ZDHHC14: variants seen among roughly 807,000 people sequenced by gnomAD.
The protein encoded by ZDHHC14 is palmitoyltransferase ZDHHC14.
A neutral mutation model predicts 47.7 loss-of-function variants in ZDHHC14; 16 were observed. The observed-to-expected ratio is 0.34, with a 90% confidence interval of 0.23 to 0.51. ZDHHC14 has a LOEUF of 0.51. Among genes scored for constraint, ZDHHC14 ranks in the 20% least tolerant of loss-of-function variants. The pLI is 0.97. For missense variants in ZDHHC14, 515 were observed against 662.5 expected (o/e 0.78, Z 2.44); for synonymous variants, 293 against 278.9 (o/e 1.05, Z -0.50).
intron 1 of ZDHHC14, among the ~76,000 whole-genome samples, chr6:157,465,853 C>G (rs1016868885): frequency 1.3e-5 from 2 of 152,020 alleles, no homozygotes; most frequent in African/African-American, 4.8e-5. Flanking sequence ...ATCAGCCTGG[C>G]CCACACGGCG....
chr6:157,671,848 T>C (rs1778812248), intron 8 of ZDHHC14, among the ~76,000 whole-genome samples: 1 of 152,198 alleles, frequency 6.6e-6, no homozygotes, highest in Non-Finnish European at 1.5e-5. Context: ...GGTGGTAAAA[T>C]AGACATGGCA....
At chr6:157,409,237 A>G (rs563977599) in intron 1 of ZDHHC14, among the ~76,000 whole-genome samples, 58 of 152,294 alleles carry the variant, frequency 3.8e-4, no homozygotes, top group Non-Finnish European at 7.1e-4. Context: ...TCCGCGTCCC[A>G]GGGGGATGTG....
At chr6:157,396,115 C>G (rs1329019160) in intron 1 of ZDHHC14, among the ~76,000 whole-genome samples, 2 of 151,994 alleles carry the variant, frequency 1.3e-5, no homozygotes, top group Non-Finnish European at 2.9e-5. Flanking sequence ...ATAGGGACAC[C>G]TTTTTGACAC....
At chr6:157,498,890 G>A (rs1780131010) in intron 1 of ZDHHC14, among the ~76,000 whole-genome samples, 1 of 152,174 alleles carries the variant, frequency 6.6e-6, no homozygotes, top group Admixed American at 6.5e-5. Flanking sequence ...ATTGCATTGA[G>A]TTCAGTGGTT....
In ZDHHC14 at chr6:157,552,192, T is replaced by C. The variant is rs141187377; in HGVS notation, c.406+9447T>C. Reference sequence around the variant, plus strand: ...TCAATGACTCACTGGAATATTACTATCATTAGTAGTGTAACTGGCGTATTT... The same window carrying C: ...TCAATGACTCACTGGAATATTACTACCATTAGTAGTGTAACTGGCGTATTT... On this transcript the variant is annotated intron_variant, in intron 2 of 8. Coordinates refer to ENST00000359775, the MANE Select transcript of ZDHHC14 (RefSeq NM_024630.3). 3.7e-3 allele frequency among the ~76,000 whole-genome samples: 569 copies of C among 152,284 alleles called. 6 individuals carry two copies. Among genetic ancestry groups the C allele is most frequent in the African/African-American group, 0.014 (561 of 41,546 alleles).
chr6:157,547,129 C>T (rs755102666), intron 2 of ZDHHC14, among the ~76,000 whole-genome samples: 6 of 152,214 alleles, frequency 3.9e-5, no homozygotes, highest in East Asian at 1.9e-4. Flanking sequence ...ATGTTGCTGA[C>T]GAGGTAGAAT....
intron 3 of ZDHHC14, among the ~76,000 whole-genome samples, chr6:157,596,480 C>T (rs747179013): frequency 6.6e-6 from 1 of 152,084 alleles, no homozygotes; most frequent in Non-Finnish European, 1.5e-5. Context: ...TTCAGAAGAG[C>T]AGTTTTCTTT....
intron 1 of ZDHHC14, among the ~76,000 whole-genome samples, chr6:157,492,954 G>A (rs1779964805): frequency 6.6e-6 from 1 of 152,164 alleles, no homozygotes; most frequent in Admixed American, 6.5e-5. Flanking sequence ...GATACAAGGA[G>A]ATAAGATATT....
chr6:157,529,410 A>C (rs1781286878), intron 1 of ZDHHC14, among the ~76,000 whole-genome samples: 1 of 152,224 alleles, frequency 6.6e-6, no homozygotes, highest in South Asian at 2.1e-4. Context: ...TAACAGGAGC[A>C]GTCATCACCA....
At chr6:157,434,758 C>T (rs1778406776) in intron 1 of ZDHHC14, among the ~76,000 whole-genome samples, 1 of 152,154 alleles carries the variant, frequency 6.6e-6, no homozygotes, top group South Asian at 2.1e-4. Flanking sequence ...GGACTTTTAA[C>T]AAGGCTGCGC....
chr6:157,406,718 A>T (rs1358186404), intron 1 of ZDHHC14, among the ~76,000 whole-genome samples: 1 of 152,270 alleles, frequency 6.6e-6, no homozygotes, highest in Non-Finnish European at 1.5e-5. Context: ...ATCTAATTCC[A>T]TGAGGTCTAC....
chr6:157,561,183 A>T (rs1262013508), intron 2 of ZDHHC14, among the ~76,000 whole-genome samples: 1 of 152,190 alleles, frequency 6.6e-6, no homozygotes, highest in Non-Finnish European at 1.5e-5. Flanking sequence ...CCTGAGAACG[A>T]CATTCACTCT....
chr6:157,610,739 A>G (rs770617012), intron 3 of ZDHHC14, among the ~76,000 whole-genome samples: 3 of 152,168 alleles, frequency 2.0e-5, no homozygotes, highest in Non-Finnish European at 4.4e-5. Context: ...CAGAATGCAG[A>G]TTTGTTCATT....
chr6:157,568,190 TA>T (rs1782976800), intron 2 of ZDHHC14, among the ~76,000 whole-genome samples: 3 of 152,230 alleles, frequency 2.0e-5, no homozygotes, highest in Admixed American at 6.5e-5. Flanking sequence ...GCAAATGTTT[TA>T]TGCCTATTTC....
intron 3 of ZDHHC14, among the ~76,000 whole-genome samples, chr6:157,618,676 A>G (rs139291869): frequency 2.4e-4 from 37 of 152,250 alleles, no homozygotes; most frequent in African/African-American, 8.7e-4. Context: ...CCTAGATTCT[A>G]GGAAGCTCAG....
At chr6:157,442,883 T>C (rs1388630772) in intron 1 of ZDHHC14, among the ~76,000 whole-genome samples, 1 of 152,212 alleles carries the variant, frequency 6.6e-6, no homozygotes, top group Non-Finnish European at 1.5e-5. Flanking sequence ...GGAAGGCTTT[T>C]CCAGAGCTTG....
In ZDHHC14 at chr6:157,637,459, T is replaced by C. The variant is rs149544281; in HGVS notation, c.752+4577T>C. Among the ~76,000 whole-genome samples the C allele has an allele frequency of 2.6e-4, 40 of 152,294 alleles. No individual in the cohort carries two copies. In the East Asian group the frequency reaches 6.6e-3, roughly 25 times the overall value. On this transcript the variant is annotated intron_variant, in intron 5 of 8. Coordinates refer to ENST00000359775, the MANE Select transcript of ZDHHC14 (RefSeq NM_024630.3). The stretch of plus-strand genomic sequence containing the variant: ...ATCCTGAGAGCTTGAGAGTGTCTGT[T>C]GGGGTGGCTGGTTTATGATGGATGA...
At chr6:157,436,681 G>A (rs917364226) in intron 1 of ZDHHC14, among the ~76,000 whole-genome samples, 5 of 152,130 alleles carry the variant, frequency 3.3e-5, no homozygotes, top group South Asian at 2.1e-4. Context: ...GTGAACTAAC[G>A]GAGAGGGACG....
At chr6:157,536,444 C>A (rs1215627489) in intron 1 of ZDHHC14, among the ~76,000 whole-genome samples, 1 of 152,160 alleles carries the variant, frequency 6.6e-6, no homozygotes, top group East Asian at 1.9e-4. Context: ...GGAAAAGATT[C>A]TCTACTTCTT....
Sources: gnomAD v4.1 joint callset for allele counts (sites outside exome capture counted in the v4.1 genomes callset) on GRCh38, gnomAD v4.1.1 for gene constraint, MANE v1.5 for transcripts, NCBI Gene and HGNC (gene_info 2026-07-23, HGNC 2026-07-21) for gene names.